The following MYO15A variants were observed in gnomAD, a reference collection of about 807,000 sequenced individuals.
MYO15A encodes the protein unconventional myosin-XV.
A neutral mutation model predicts 394.6 loss-of-function variants in MYO15A; 308 were observed. The ratio of observed to expected loss-of-function variants is 0.78; its 90% confidence interval spans 0.71 to 0.86. The LOEUF (loss-of-function observed/expected upper bound fraction) is 0.86, where lower values mean the gene tolerates loss of function less well. Among genes scored for constraint, MYO15A ranks in the 40% least tolerant of loss-of-function variants. MYO15A has a pLI of 0.00. For synonymous variants in MYO15A, 1,957 were observed against 2,003.8 expected (o/e 0.98, Z 0.62); for missense variants, 4,606 against 4,799.1 (o/e 0.96, Z 1.19).
rs1555542183 is a variant in MYO15A, at chr17:18,130,816, C to CAG, written c.4038+7_4038+8dup. 7.5e-7 allele frequency: 1 copy of CAG among 1,335,812 alleles called. No individual in the cohort carries two copies. The highest frequency in any genetic ancestry group is 1.0e-6 in the Non-Finnish European group (1 of 989,672). 82.7% of individuals were successfully genotyped at this position (1,335,812 alleles called of 1,614,324 possible). A position where few individuals can be genotyped will look rare whatever the true frequency, so the allele number is the denominator to read the frequency against. ...GGACGCTCTTGAAGATAAAGGTACT[C>CAG]AGTGTGTGTGTGTGTGTGTGTGTGT... On this transcript the variant is annotated splice_region_variant and intron_variant, in intron 8 of 65. Transcript: ENST00000647165.
At position 18,170,329 on chromosome 17, in the gene MYO15A, TTTTTATTTTATTTTA is replaced by T. The variant is rs139072222; in HGVS notation, c.10083-1285_10083-1271del. 2.5e-4 allele frequency among the ~76,000 whole-genome samples: 37 copies of T among 146,058 alleles called. No homozygotes were observed. The South Asian group carries it at 3.0e-3, about 12-fold the overall frequency. On this transcript the variant is annotated intron_variant, in intron 62 of 65. Coordinates refer to ENST00000647165, the MANE Select transcript of MYO15A (RefSeq NM_016239.4). ...AGGGCTCAATATGTAAAGCTCCTTA[TTTTTATTTTATTTTA>T]TTTTATTTTATTTTATTTTATTTAT...
rs1404720160 is a variant in MYO15A at position 18,119,028 on chromosome 17, C to T, written c.228C>T (p.Ala76=). ...AGAAGACCAAGCGCAAGAGGAAGGCCCGCACCGTGCTCAAGTCCACGTCAA... is the reference window on the plus strand; with the variant it reads ...AGAAGACCAAGCGCAAGAGGAAGGCTCGCACCGTGCTCAAGTCCACGTCAA... ...GPQKTKRKRK[A]RTVLKSTSKL... is the part of the protein sequence containing the mutation. The change falls in exon 2 of 66, where the codon GCC becomes GCT. Residue 76 remains alanine (A), a synonymous_variant. Transcript: ENST00000647165. 5 of 1,612,578 alleles carry T rather than the reference C, an allele frequency of 3.1e-6. No individual in the cohort carries two copies. Among genetic ancestry groups the T allele is most frequent in the South Asian group, 1.1e-5 (1 of 91,002 alleles).
Position 18,119,706 on chromosome 17 carries a change from G to T in MYO15A, c.906G>T (p.Gly302=), listed in dbSNP as rs768963132. Residue 302 remains glycine, a synonymous_variant, in exon 2 of 66, where the codon GGG becomes GGT. Coordinates refer to ENST00000647165, the MANE Select transcript of MYO15A (RefSeq NM_016239.4). ...PDYYGGPFDP[G]YTYGYGYDDY... is the part of the protein sequence containing the mutation. The stretch of plus-strand genomic sequence containing the variant: ...ATTACGGTGGCCCCTTTGATCCGGG[G>T]TACACCTACGGCTACGGCTACGACG... 2 of 1,610,888 alleles carry T rather than the reference G, an allele frequency of 1.2e-6. No homozygotes were observed. The highest frequency in any genetic ancestry group is 2.2e-5 in the South Asian group (2 of 91,066).
chr17:18,134,660 A>G (rs2046231782), intron 12 of MYO15A, among the ~76,000 whole-genome samples: 2 of 152,202 alleles, frequency 1.3e-5, no homozygotes, highest in Non-Finnish European at 2.9e-5. Context: ...AGGCAGGTGG[A>G]TTGCTCGAGC....
chr17:18,127,166 G>A lies in MYO15A; in HGVS notation c.4032+1G>A, dbSNP rs1064795282. The A allele has an allele frequency of 1.2e-6, 2 of 1,613,462 alleles. No individual in the cohort carries two copies. Reference sequence around the variant, plus strand: ...CCAGAAACGGGAGGTCATGCAGCAGGTGAGTCTACCTGTCTCCCCAGGACC... The same window carrying A: ...CCAGAAACGGGAGGTCATGCAGCAGATGAGTCTACCTGTCTCCCCAGGACC... On this transcript the variant is annotated splice_donor_variant, in intron 7 of 65. Transcript: ENST00000647165. LOFTEE classifies it high-confidence loss of function.
Position 18,132,866 on chromosome 17 carries a change from G to A in MYO15A, c.4320+300G>A, listed in dbSNP as rs569690847. ...GCCTCAGTTTCCTCACCTGTAAAAT[G>A]GGGACAACATAGTACCACTTTGCAG... is the stretch of plus-strand genomic sequence containing the variant. On this transcript the variant is annotated intron_variant, in intron 11 of 65. Coordinates refer to ENST00000647165, the MANE Select transcript of MYO15A (RefSeq NM_016239.4). This position sits in a 1 kb window ranked among gnomAD's most constrained non-coding sequence, Gnocchi z 4.6. 6.6e-6 allele frequency among the ~76,000 whole-genome samples: 1 copy of A among 152,314 alleles called. No individual in the cohort carries two copies. The highest frequency in any genetic ancestry group is 2.4e-5 in the African/African-American group (1 of 41,574).
At chr17:18,111,752 T>C (rs1401116461) in intron 1 of MYO15A, among the ~76,000 whole-genome samples, 2 of 152,218 alleles carry the variant, frequency 1.3e-5, no homozygotes. Flanking sequence ...AGCAATGACG[T>C]TGGCAGTCAT....
chr17:18,118,611 G>A lies in MYO15A; in HGVS notation c.-190G>A, dbSNP rs1356256536. ...AAACCCAAGGCGCTCTAGAGGAGAT[G>A]AATTATGGATCCGCCCTCCCGGAAT... On this transcript the variant is annotated 5_prime_UTR_variant, in exon 2 of 66. It removes an upstream start codon present in the reference 5' UTR. Transcript: ENST00000647165. 1.3e-6 allele frequency: 1 copy of A among 763,168 alleles called. No homozygotes were observed. The allele number at this position is 763,168 out of a possible 1,614,324, so 47.3% of individuals were successfully genotyped here. A position where few individuals can be genotyped will look rare whatever the true frequency, so the allele number is the denominator to read the frequency against.
chr17:18,173,137 C>A (rs768244208), intron 64 of MYO15A, among the ~76,000 whole-genome samples: 3 of 152,162 alleles, frequency 2.0e-5, no homozygotes, highest in Non-Finnish European at 4.4e-5. Flanking sequence ...CCCTGAGAGA[C>A]AGACTAGAGC....
intron 8 of MYO15A, 70 bp from the exon 9 acceptor site, chr17:18,131,169 T>C: frequency 2.9e-6 from 4 of 1,388,314 alleles, no homozygotes; most frequent in Middle Eastern, 3.7e-4. Context: ...TGTCCCCAGC[T>C]ATGCCCCCCA....
intron 7 of MYO15A, among the ~76,000 whole-genome samples, chr17:18,127,701 G>A (rs1259350247): frequency 1.3e-5 from 2 of 151,994 alleles, no homozygotes; most frequent in Non-Finnish European, 2.9e-5. Context: ...CGTTCCCTCA[G>A]TAAAGATCTA....
chr17:18,120,540 G>A lies in MYO15A; in HGVS notation c.1740G>A (p.Leu580=), dbSNP rs1471438750. Residue 580 remains leucine (L), a synonymous_variant, in exon 2 of 66, where the codon CTG becomes CTA. Transcript: ENST00000647165. ...TSLARFLKKT[L]SEKKPIARLR... The stretch of plus-strand genomic sequence containing the variant: ...TTGCGCGGTTCCTCAAGAAGACGCT[G>A]TCGGAGAAGAAGCCCATCGCGCGGC... 1.9e-6 allele frequency: 3 copies of A among 1,595,890 alleles called. No homozygotes were observed. Among genetic ancestry groups the A allele is most frequent in the Non-Finnish European group, 2.6e-6 (3 of 1,173,730 alleles).
At chr17:18,162,176 C>A (rs1446104408) in intron 57 of MYO15A, among the ~76,000 whole-genome samples, 1 of 152,166 alleles carries the variant, frequency 6.6e-6, no homozygotes. Flanking sequence ...GGGTCTCCTG[C>A]ACTGGGAGGC....
Position 18,166,415 on chromosome 17 carries a change from A to G in MYO15A, c.9842A>G (p.Glu3281Gly). The G allele has an allele frequency of 6.2e-7, 1 of 1,614,024 alleles. No homozygotes were observed. The highest frequency in any genetic ancestry group is 8.5e-7 in the Non-Finnish European group (1 of 1,180,028). The change falls in exon 61 of 66, where the codon GAG becomes GGG. Residue 3281 changes from glutamate (E) to glycine (G), a missense_variant. Transcript: ENST00000647165. ...GCTTACATCCTGGATGTGGCCTCAG[A>G]GATGGAGCAGGTGGACGGCGGCTAC... ...RRAYILDVAS[E>G]MEQVDGGYML...
rs761737477 is a variant in MYO15A at position 18,119,187 on chromosome 17, A to C, written c.387A>C (p.Lys129Asn). 7 of 1,612,462 alleles carry C rather than the reference A, an allele frequency of 4.3e-6. No individual in the cohort carries two copies. Among genetic ancestry groups the C allele is most frequent in the Middle Eastern group, 3.3e-4 (2 of 6,060 alleles). The change falls in exon 2 of 66, where the codon AAA (lysine) becomes AAC (asparagine). Residue 129 changes from lysine (K) to asparagine (N), a missense_variant. By Grantham distance (94) the Lys-to-Asn change is moderately conservative. Around this residue, in one of 2 missense-constraint regions of MYO15A, gnomAD observed 1,830 missense variants for 1,689.7 expected, o/e 1.08. Coordinates refer to ENST00000647165, the MANE Select transcript of MYO15A (RefSeq NM_016239.4). ...GGCCGCGCGCCCGGTCACTCAGCAAAGCGTCCACGGCCATCAACTGGCTCA... is the reference window on the plus strand; with the variant it reads ...GGCCGCGCGCCCGGTCACTCAGCAACGCGTCCACGGCCATCAACTGGCTCA... ...RLRPRARSLS[K>N]ASTAINWLTK...
At chr17:18,122,549 G>T in intron 2 of MYO15A, 140 bp downstream of exon 2, 1 of 1,326,776 alleles carries the variant, frequency 7.5e-7, no homozygotes, top group Admixed American at 2.8e-5. Context: ...GTAAGTTGGG[G>T]AGAACAGCCT....
Position 18,151,484 on chromosome 17 carries a change from C to T in MYO15A, c.7744C>T (p.Gln2582Ter). ...PTQQIKNIVR[Q>*]YQQPFRGGRP... is the part of the protein sequence containing the mutation. ...ACAGCAGATCAAGAATATTGTCAGG[C>T]AGTACCAGCAGCCGTTCCGGGGAGG... is the stretch of plus-strand genomic sequence containing the variant. Residue 2582 changes from glutamine to a stop codon, truncating the protein, a stop_gained, in exon 40 of 66, where the codon CAG (glutamine) becomes TAG (stop). Coordinates refer to ENST00000647165, the MANE Select transcript of MYO15A (RefSeq NM_016239.4). LOFTEE classifies it high-confidence loss of function. 6.2e-7 allele frequency: 1 copy of T among 1,614,192 alleles called. No homozygotes were observed. Among genetic ancestry groups the T allele is most frequent in the Admixed American group, 1.7e-5 (1 of 60,030 alleles).
chr17:18,178,832 C>G lies in MYO15A; in HGVS notation c.10555C>G (p.Arg3519Gly). Residue 3519 changes from arginine to glycine, a missense_variant, in exon 66 of 66, where the codon CGG becomes GGG. Physicochemically the swap from Arg to Gly is moderately radical, Grantham distance 125. This residue lies in a region of MYO15A where 2,776 missense variants were observed against 3,109.3 expected (regional missense o/e 0.89). Transcript: ENST00000647165. ...GAACCTGCTCAGTGCCCATGAGAAG[C>G]GGCTCACATTGCCCCCCAGCGAGAT... ...VENLLSAHEKRLTLPPSEITL... is the reference protein window; with the variant it reads ...VENLLSAHEKGLTLPPSEITL... 6.2e-7 allele frequency: 1 copy of G among 1,613,808 alleles called. No homozygotes were observed. Among genetic ancestry groups the G allele is most frequent in the Non-Finnish European group, 8.5e-7 (1 of 1,180,002 alleles).
intron 7 of MYO15A, among the ~76,000 whole-genome samples, chr17:18,128,702 G>T (rs891553197): frequency 6.6e-5 from 10 of 152,196 alleles, no homozygotes; most frequent in Non-Finnish European, 1.5e-4. Context: ...TTCAGTTATC[G>T]TCACACCGGA....
Sources: allele counts gnomAD v4.1 joint callset (sites outside exome capture counted in the v4.1 genomes callset), GRCh38; gene constraint gnomAD v4.1.1; regional missense constraint gnomAD v4.1.1; non-coding constraint Gnocchi (gnomAD v3.1); transcripts MANE v1.5; gene names NCBI Gene and HGNC (gene_info 2026-07-23, HGNC 2026-07-21).